The following FARS2 variants were observed in gnomAD, a reference collection of about 807,000 sequenced individuals.
FARS2 encodes the protein phenylalanine--tRNA ligase, mitochondrial.
In FARS2, 40 loss-of-function variants were observed where a neutral mutation model predicts 46.4. The observed-to-expected ratio is 0.86, with a 90% CI of 0.67 to 1.12. The LOEUF is 1.12. Among genes scored for constraint, FARS2 ranks in the 50% most tolerant of loss-of-function variants. FARS2 has a pLI of 0.00. For synonymous variants in FARS2, 234 were observed against 214.9 expected, an observed-to-expected ratio of 1.09 and a Z score of -0.78; for missense variants, 513 against 567.9, an observed-to-expected ratio of 0.90 and a Z score of 0.98.
chr6:5,730,021 AG>A (rs1437307121), intron 6 of FARS2, among the ~76,000 whole-genome samples: 1 of 152,208 alleles, frequency 6.6e-6, no homozygotes, highest in Non-Finnish European at 1.5e-5. Context: ...AGTGCCCTCT[AG>A]GGAGCAAAAT....
At chr6:5,595,171 T>G (rs1774127791) in intron 5 of FARS2, among the ~76,000 whole-genome samples, 1 of 152,192 alleles carries the variant, frequency 6.6e-6, no homozygotes, top group African/African-American at 2.4e-5. Flanking sequence ...CCTGCACTTT[T>G]TCTTCTTGTT....
chr6:5,539,406 A>ATATATATTTTT lies in FARS2; in HGVS notation c.905-5773_905-5772insATATATTTTTT, dbSNP rs1226634056. Among the ~76,000 whole-genome samples, 61 of 144,870 alleles carry ATATATATTTTT rather than the reference A, an allele frequency of 4.2e-4. 1 individual carries two copies. The highest frequency in any genetic ancestry group is 1.6e-3 in the African/African-American group (61 of 38,358). ...TGTGTATATATATATATATGTATAT[A>ATATATATTTTT]TTTTTTTAGTAGAGACGGGGTTTCA... On this transcript the variant is annotated intron_variant, in intron 4 of 6. Transcript: ENST00000274680.
chr6:5,705,591 G>A (rs888553922), intron 6 of FARS2, among the ~76,000 whole-genome samples: 1 of 152,218 alleles, frequency 6.6e-6, no homozygotes, highest in African/African-American at 2.4e-5. Context: ...AGAGGGCACA[G>A]TGCTTCCGCA....
At chr6:5,572,678 T>TC (rs1772725153) in intron 5 of FARS2, among the ~76,000 whole-genome samples, 1 of 151,864 alleles carries the variant, frequency 6.6e-6, no homozygotes, top group Non-Finnish European at 1.5e-5. Flanking sequence ...TGACATGAAA[T>TC]CCCCCATCTT....
At chr6:5,598,087 T>C (rs1181328133) in intron 5 of FARS2, among the ~76,000 whole-genome samples, 1 of 152,130 alleles carries the variant, frequency 6.6e-6, no homozygotes. Flanking sequence ...ATGTTTTCTC[T>C]TAAAAATTTA....
rs147857355 is a variant in FARS2, at chr6:5,391,265, C to T, written c.613-13277C>T. 8.7e-3 allele frequency among the ~76,000 whole-genome samples: 1,318 copies of T among 152,278 alleles called. 9 individuals carry two copies. Among genetic ancestry groups the T allele is most frequent in the Non-Finnish European group, 0.014 (961 of 68,016 alleles). The stretch of plus-strand genomic sequence containing the variant: ...GAGATTTTGGGTTGAATTCAGGCTC[C>T]ACCATTTACTATGTCATGGTACATG... On this transcript the variant is annotated intron_variant, in intron 2 of 6. Coordinates refer to ENST00000274680, the MANE Select transcript of FARS2 (RefSeq NM_006567.5).
intron 4 of FARS2, among the ~76,000 whole-genome samples, chr6:5,470,929 A>G (rs930902321): frequency 6.6e-6 from 1 of 152,202 alleles, no homozygotes; most frequent in Non-Finnish European, 1.5e-5. Context: ...CCTTTGCTGT[A>G]TTAACCTCAA....
chr6:5,494,302 C>G (rs2150367037), intron 4 of FARS2, among the ~76,000 whole-genome samples: 1 of 152,250 alleles, frequency 6.6e-6, no homozygotes, highest in East Asian at 1.9e-4. Context: ...CCCTGGTGAT[C>G]ATACCATCCA....
chr6:5,338,053 T>G (rs184575896), intron 1 of FARS2, among the ~76,000 whole-genome samples: 1 of 152,274 alleles, frequency 6.6e-6, no homozygotes, highest in East Asian at 1.9e-4. Context: ...ATTTTTGTCC[T>G]TTTTCTGTTT....
At chr6:5,304,423 C>G (rs1300218148) in intron 1 of FARS2, among the ~76,000 whole-genome samples, 1 of 152,134 alleles carries the variant, frequency 6.6e-6, no homozygotes, top group Non-Finnish European at 1.5e-5. Context: ...TAGCTATTTT[C>G]ATATTTTGAA....
chr6:5,432,330 ATATATATATATATATATATAT>A (rs1488390714), intron 4 of FARS2, among the ~76,000 whole-genome samples: 1,703 of 35,264 alleles, frequency 0.048, 54 homozygotes, highest in African/African-American at 0.11. Flanking sequence ...AAAAAAAAAT[ATATATATATATATATATATAT>A]TATATATATA....
intron 1 of FARS2, among the ~76,000 whole-genome samples, chr6:5,303,276 GC>G (rs1768453794): frequency 6.6e-6 from 1 of 152,206 alleles, no homozygotes; most frequent in Non-Finnish European, 1.5e-5. Context: ...ATAAAGAGGT[GC>G]CTGGACATAG....
intron 1 of FARS2, among the ~76,000 whole-genome samples, chr6:5,261,924 G>A (rs1028009736): frequency 5.3e-5 from 8 of 152,210 alleles, no homozygotes; most frequent in African/African-American, 1.9e-4. Flanking sequence ...GAAGACTGCA[G>A]CTTTTTTGAA....
chr6:5,393,654 T>C (rs1562008185), intron 2 of FARS2, among the ~76,000 whole-genome samples: 1 of 151,704 alleles, frequency 6.6e-6, no homozygotes, highest in African/African-American at 2.4e-5. Context: ...AGACTCCACC[T>C]AAAAAAAAGG....
At chr6:5,415,369 C>T (rs1372523601) in intron 3 of FARS2, among the ~76,000 whole-genome samples, 7 of 125,034 alleles carry the variant, frequency 5.6e-5, no homozygotes, top group African/African-American at 2.2e-4. Flanking sequence ...GGCTGGAGTG[C>T]AGTGGTGTGA....
chr6:5,700,172 A>G (rs568802722), intron 6 of FARS2, among the ~76,000 whole-genome samples: 1 of 152,378 alleles, frequency 6.6e-6, no homozygotes, highest in African/African-American at 2.4e-5. Flanking sequence ...TCACGGAGAC[A>G]TAAATACATG....
chr6:5,629,584 C>T (rs1011866200), intron 6 of FARS2, among the ~76,000 whole-genome samples: 4 of 152,050 alleles, frequency 2.6e-5, no homozygotes, highest in Non-Finnish European at 5.9e-5. Flanking sequence ...AGCCTGTATT[C>T]CCTTATAAAA....
At chr6:5,332,047 G>C (rs2127579818) in intron 1 of FARS2, among the ~76,000 whole-genome samples, 1 of 152,216 alleles carries the variant, frequency 6.6e-6, no homozygotes, top group African/African-American at 2.4e-5. Context: ...AGATATTCCT[G>C]ATCCCCTTTA....
intron 6 of FARS2, among the ~76,000 whole-genome samples, chr6:5,753,172 AGAG>A (rs1762041406): frequency 1.3e-5 from 2 of 149,844 alleles, no homozygotes; most frequent in African/African-American, 5.0e-5. Context: ...GAGGAGAGAG[AGAG>A]CAAGAACATG....
Sources: allele counts gnomAD v4.1 joint callset (sites outside exome capture counted in the v4.1 genomes callset), GRCh38; gene constraint gnomAD v4.1.1; transcripts MANE v1.5; gene names NCBI Gene and HGNC (gene_info 2026-07-23, HGNC 2026-07-21).